PCCA: variants seen among roughly 807,000 people sequenced by gnomAD.
The protein encoded by PCCA is propionyl-CoA carboxylase subunit alpha, also known as propionyl-CoA carboxylase alpha chain, mitochondrial.
In PCCA, 74 loss-of-function variants were observed where a neutral mutation model predicts 101.3. The ratio of observed to expected loss-of-function variants is 0.73; its 90% CI spans 0.61 to 0.89. The LOEUF is 0.89. Ranked by LOEUF, PCCA falls within the 40% of genes least tolerant of loss-of-function variation. PCCA has a pLI of 0.00. For missense variants in PCCA, 891 were observed against 907.0 expected (o/e 0.98, Z 0.23); for synonymous variants, 294 against 313.6 (o/e 0.94, Z 0.66).
intron 8 of PCCA, among the ~76,000 whole-genome samples, chr13:100,237,939 C>CTTTT (rs1229413728): frequency 1.7e-4 from 22 of 127,466 alleles, no homozygotes; most frequent in East Asian, 9.2e-4. Context: ...TTCTTTCTTT[C>CTTTT]TTTTTTTTTT....
intron 12 of PCCA, among the ~76,000 whole-genome samples, chr13:100,285,503 G>A (rs972870605): frequency 2.0e-5 from 3 of 152,220 alleles, no homozygotes; most frequent in African/African-American, 7.2e-5. Context: ...AGTTGCAGCA[G>A]TGGCCGTCTT....
At chr13:100,119,942 G>A (rs1228699827) in intron 4 of PCCA, among the ~76,000 whole-genome samples, 2 of 152,070 alleles carry the variant, frequency 1.3e-5, no homozygotes, top group African/African-American at 4.8e-5. Flanking sequence ...CGCAATCTCA[G>A]CTCACTGCAA....
In PCCA at chr13:100,268,764, G is replaced by T. The variant is rs1188239325; in HGVS notation, c.895G>T (p.Val299Leu). 1 of 1,613,674 alleles carries T rather than the reference G, an allele frequency of 6.2e-7. No homozygotes were observed. Among genetic ancestry groups the T allele is most frequent in the South Asian group, 1.1e-5 (1 of 91,068 alleles). The change falls in exon 11 of 24, where the codon GTG (valine) becomes TTG (leucine). Residue 299 changes from valine to leucine, a missense_variant. Val to Leu is a conservative substitution (Grantham distance 32). Transcript: ENST00000376285. ...ECSIQRRNQK[V>L]VEEAPSIFLD... ...CTCAATTCAGAGAAGAAATCAGAAG[G>T]TGGTGGAGGAAGCACCAAGGTAAGT...
At chr13:100,461,449 C>T (rs2152942059) in intron 21 of PCCA, among the ~76,000 whole-genome samples, 1 of 152,294 alleles carries the variant, frequency 6.6e-6, no homozygotes, top group East Asian at 1.9e-4. Flanking sequence ...AAGTTTGTTA[C>T]TGTTTTTCTT....
At chr13:100,150,997 G>A in intron 4 of PCCA, 3 of 1,523,078 alleles carry the variant, frequency 2.0e-6, no homozygotes, top group South Asian at 1.1e-5. Context: ...GGAGAGCAGA[G>A]AGCTGGCGGT....
intron 6 of PCCA, among the ~76,000 whole-genome samples, chr13:100,201,238 G>A (rs1021300118): frequency 3.9e-5 from 6 of 151,992 alleles, no homozygotes; most frequent in Admixed American, 2.0e-4. Context: ...AGCTCTACAA[G>A]TAAATCCCGA....
intron 21 of PCCA, among the ~76,000 whole-genome samples, chr13:100,505,613 C>T (rs1037967628): frequency 1.3e-5 from 2 of 152,184 alleles, no homozygotes; most frequent in Non-Finnish European, 2.9e-5. Context: ...GCCTGTAATC[C>T]CAGCACTCTG....
At chr13:100,251,439 T>C (rs1233782365) in intron 8 of PCCA, among the ~76,000 whole-genome samples, 3 of 152,208 alleles carry the variant, frequency 2.0e-5, no homozygotes, top group African/African-American at 7.2e-5. Flanking sequence ...AACTAATAGA[T>C]TTACTTAGTA....
chr13:100,471,325 G>A (rs1241777736), intron 21 of PCCA, among the ~76,000 whole-genome samples: 2 of 152,124 alleles, frequency 1.3e-5, no homozygotes, highest in Admixed American at 6.5e-5. Context: ...AAAGATCAGC[G>A]ATGACAGATC....
At chr13:100,525,345 G>T (rs1459832430) in intron 22 of PCCA, among the ~76,000 whole-genome samples, 1 of 152,176 alleles carries the variant, frequency 6.6e-6, no homozygotes, top group South Asian at 2.1e-4. Flanking sequence ...TGAACAACTG[G>T]GGACCCAGCA....
intron 12 of PCCA, among the ~76,000 whole-genome samples, chr13:100,286,649 A>C (rs1481294175): frequency 6.6e-6 from 1 of 151,828 alleles, no homozygotes; most frequent in Non-Finnish European, 1.5e-5. Context: ...TTCTTTTCAA[A>C]CTTTTTTTTA....
At chr13:100,271,699 G>A (rs762588561) in intron 11 of PCCA, among the ~76,000 whole-genome samples, 1 of 152,228 alleles carries the variant, frequency 6.6e-6, no homozygotes, top group Non-Finnish European at 1.5e-5. Context: ...TGAATACCAA[G>A]TGGATATTAA....
At chr13:100,522,515 T>TG (rs1157918004) in intron 22 of PCCA, among the ~76,000 whole-genome samples, 2 of 152,130 alleles carry the variant, frequency 1.3e-5, no homozygotes, top group Non-Finnish European at 2.9e-5. Context: ...GTGGGCTTCC[T>TG]GGGGGGCGGG....
At chr13:100,301,693 T>G (rs907936685) in intron 13 of PCCA, 90 bp downstream of exon 13, 2 of 1,418,218 alleles carry the variant, frequency 1.4e-6, no homozygotes. Context: ...AAGTTAGGGT[T>G]TTATAATGTT....
At chr13:100,307,081 A>G in intron 14 of PCCA, 111 bp from the exon 15 acceptor site, 3 of 745,656 alleles carry the variant, frequency 4.0e-6, no homozygotes, top group Non-Finnish European at 6.9e-6. Context: ...TTGAAATGTT[A>G]TTTGAGATTG....
chr13:100,219,536 A>G (rs551223740), intron 7 of PCCA, among the ~76,000 whole-genome samples: 35 of 152,178 alleles, frequency 2.3e-4, no homozygotes, highest in Non-Finnish European at 4.1e-4. Context: ...GTGCTGGGAC[A>G]TGGGAAATGT....
chr13:100,275,913 C>T (rs368140817), intron 12 of PCCA, among the ~76,000 whole-genome samples: 1 of 152,074 alleles, frequency 6.6e-6, no homozygotes, highest in Non-Finnish European at 1.5e-5. Context: ...TCCCCCGAGG[C>T]CATTTCTCTT....
chr13:100,094,143 A>C (rs2046541256), intron 1 of PCCA, among the ~76,000 whole-genome samples: 1 of 150,844 alleles, frequency 6.6e-6, no homozygotes, highest in South Asian at 2.1e-4. Context: ...CAGGAGAATC[A>C]CTTGAACCCA....
intron 19 of PCCA, among the ~76,000 whole-genome samples, chr13:100,389,440 C>G (rs529381393): frequency 3.9e-4 from 60 of 152,194 alleles, no homozygotes; most frequent in African/African-American, 1.4e-3. Flanking sequence ...AGCTAAATAA[C>G]AAGAACACAT....
Sources: gnomAD v4.1 joint callset for allele counts (sites outside exome capture counted in the v4.1 genomes callset) on GRCh38, gnomAD v4.1.1 for gene constraint, MANE v1.5 for transcripts, NCBI Gene and HGNC (gene_info 2026-07-23, HGNC 2026-07-21) for gene names.